CACFD1: variants seen among roughly 807,000 people sequenced by gnomAD.
CACFD1 encodes calcium channel flower homolog.
A neutral mutation model predicts 21.3 loss-of-function variants in CACFD1; 26 were observed. The ratio of observed to expected loss-of-function variants is 1.22; its 90% CI spans 0.89 to 1.69. CACFD1 has a LOEUF of 1.69. CACFD1 is among the 40% of genes most tolerant of loss of function. The pLI is 0.00. For synonymous variants in CACFD1, 121 were observed against 106.6 expected (o/e 1.13, Z -0.83); for missense variants, 265 against 236.2 (o/e 1.12, Z -0.80).
At chr9:133,460,862 G>A (rs949051510) in intron 1 of CACFD1, among the ~76,000 whole-genome samples, 4 of 152,120 alleles carry the variant, frequency 2.6e-5, no homozygotes, top group African/African-American at 7.2e-5. Flanking sequence ...GCCTGTCACC[G>A]GCCTTCCTCC....
intron 3 of CACFD1, among the ~76,000 whole-genome samples, chr9:133,466,688 C>T (rs981112568): frequency 3.3e-5 from 5 of 152,148 alleles, no homozygotes; most frequent in South Asian, 2.1e-4. Flanking sequence ...TTTTAAGATG[C>T]GTGGCTACGT....
intron 2 of CACFD1, 114 bp downstream of exon 2, chr9:133,463,669 C>A: frequency 9.1e-7 from 1 of 1,097,736 alleles, no homozygotes; most frequent in Non-Finnish European, 1.4e-6. Context: ...CTTGTGGTTG[C>A]CATGGCTACT....
At position 133,465,570 on chromosome 9, in the gene CACFD1, G is replaced by A. The variant is rs1048016444; in HGVS notation, c.320+123G>A. Reference sequence around the variant, plus strand: ...GTTCCTCTCTGTGGAAGTGTAAACTGGGATTGCCTTTGTGCACAGTGATTT... The same window carrying A: ...GTTCCTCTCTGTGGAAGTGTAAACTAGGATTGCCTTTGTGCACAGTGATTT... On this transcript the variant is annotated intron_variant, in intron 3 of 4. Transcript: ENST00000316948. The surrounding 1 kb of genome is among the most constrained non-coding windows in gnomAD (Gnocchi z 5.0). 1 of 1,041,472 alleles carries A rather than the reference G, an allele frequency of 9.6e-7. No homozygotes were observed. Among genetic ancestry groups the A allele is most frequent in the Non-Finnish European group, 1.4e-6 (1 of 715,582 alleles). The allele number at this position is 1,041,472 out of a possible 1,614,324, so 64.5% of individuals were successfully genotyped here.
At chr9:133,463,137 CTCTTTAATCCT>C (rs1287600291) in intron 1 of CACFD1, among the ~76,000 whole-genome samples, 4 of 152,226 alleles carry the variant, frequency 2.6e-5, no homozygotes, top group Admixed American at 1.3e-4. Context: ...GGGACATTCA[CTCTTTAATCCT>C]TCTTTAATCC....
Position 133,469,220 on chromosome 9 carries a change from G to C in CACFD1, c.*567G>C, listed in dbSNP as rs1843574048. Reference sequence around the variant, plus strand: ...GGTACCTGGAACTGCAGCCTTGGCAGTGACTGGACAGCTGGGTGGGGGATG... The same window carrying C: ...GGTACCTGGAACTGCAGCCTTGGCACTGACTGGACAGCTGGGTGGGGGATG... On this transcript the variant is annotated 3_prime_UTR_variant, in exon 5 of 5. Coordinates refer to ENST00000316948, the MANE Select transcript of CACFD1 (RefSeq NM_017586.5). The C allele has an allele frequency of 6.5e-6, 1 of 153,232 alleles. No individual in the cohort carries two copies. The highest frequency in any genetic ancestry group is 2.4e-5 in the African/African-American group (1 of 41,466). 9.5% of individuals were successfully genotyped at this position (153,232 alleles called of 1,614,324 possible). A position where few individuals can be genotyped will look rare whatever the true frequency, so the allele number is the denominator to read the frequency against.
At position 133,468,946 on chromosome 9, in the gene CACFD1, CCTGTGACCTG is replaced by C. The variant is rs1268562478; in HGVS notation, c.*304_*313del. 4.5e-5 allele frequency: 20 copies of C among 442,282 alleles called. No homozygotes were observed. Among genetic ancestry groups the C allele is most frequent in the African/African-American group, 6.0e-5 (3 of 49,768 alleles). 27.4% of individuals were successfully genotyped at this position (442,282 alleles called of 1,614,324 possible). A position where few individuals can be genotyped will look rare whatever the true frequency, so the allele number is the denominator to read the frequency against. ...AGATCTCACACCACAGACAGGGCTG[CCTGTGACCTG>C]CTGTGACCTGGGAGCAGCTTCCCCT... is the stretch of plus-strand genomic sequence containing the variant. On this transcript the variant is annotated 3_prime_UTR_variant, in exon 5 of 5. Transcript: ENST00000316948.
In CACFD1 at chr9:133,467,993, G is replaced by C; in HGVS notation, c.393G>C (p.Thr131=). Residue 131 remains threonine (T), a synonymous_variant, in exon 4 of 5, where the codon ACG becomes ACC. Transcript: ENST00000316948. ...TGGGCAACGCCATCGCCTTTGCTACGGGGGTGCTGTACGGACTCTCTGCTC... is the reference window on the plus strand; with the variant it reads ...TGGGCAACGCCATCGCCTTTGCTACCGGGGTGCTGTACGGACTCTCTGCTC... ...TLLGNAIAFA[T]GVLYGLSALG... is the part of the protein sequence containing the mutation. 1 of 1,613,902 alleles carries C rather than the reference G, an allele frequency of 6.2e-7. No individual in the cohort carries two copies. The highest frequency in any genetic ancestry group is 8.5e-7 in the Non-Finnish European group (1 of 1,179,990).
chr9:133,467,777 C>A, intron 3 of CACFD1, 144 bp from the exon 4 acceptor site: 1 of 624,534 alleles, frequency 1.6e-6, no homozygotes, highest in Non-Finnish European at 2.9e-6. Flanking sequence ...GAAGGACTTT[C>A]TGAAGCTGTG....
rs587624662 is a variant in CACFD1, at chr9:133,463,689, C to CT, written c.194+135dup. 2.6e-3 allele frequency: 2,264 copies of CT among 863,000 alleles called. 34 individuals carry two copies. The highest frequency in any genetic ancestry group is 9.6e-3 in the East Asian group (384 of 40,078). 53.5% of individuals were successfully genotyped at this position (863,000 alleles called of 1,614,324 possible). ...GGTTGCCATGGCTACTGGCTCCAGC[C>CT]TGGGTGCCTCGGGCATGTGAGTTTC... On this transcript the variant is annotated intron_variant, in intron 2 of 4. Transcript: ENST00000316948.
rs1843384081 is a variant in CACFD1, at chr9:133,465,191, C to T, written c.195-131C>T. On this transcript the variant is annotated intron_variant, in intron 2 of 4. Coordinates refer to ENST00000316948, the MANE Select transcript of CACFD1 (RefSeq NM_017586.5). The surrounding 1 kb of genome is among the most constrained non-coding windows in gnomAD (Gnocchi z 5.0). ...CAGGTGCCCTGGAGCAGCCGGGCGG[C>T]TTCCCAGAGGAGGAGGGATGAGGGC... 9.0e-7 allele frequency: 1 copy of T among 1,106,178 alleles called. No individual in the cohort carries two copies. The highest frequency in any genetic ancestry group is 1.5e-5 in the African/African-American group (1 of 65,392). 68.5% of individuals were successfully genotyped at this position (1,106,178 alleles called of 1,614,324 possible).
chr9:133,460,272 C>CT, intron 1 of CACFD1, 85 bp downstream of exon 1: 1 of 1,282,022 alleles, frequency 7.8e-7, no homozygotes, highest in Non-Finnish European at 1.0e-6. Context: ...CCGGCGGCCC[C>CT]AGGGGAAAGG....
intron 1 of CACFD1, chr9:133,461,902 TTCC>T (rs1843232764): frequency 1.0e-6 from 1 of 985,280 alleles, no homozygotes; most frequent in African/African-American, 1.7e-5. Context: ...GGGTAAGGTT[TTCC>T]TCCTCCAGGG....
rs3094380 is a variant in CACFD1, at chr9:133,469,476, T to C, written c.*823T>C. The C allele has an allele frequency of 0.092, 14,057 of 152,352 alleles. 697 individuals carry two copies. Among genetic ancestry groups the C allele is most frequent in the Middle Eastern group, 0.16 (46 of 294 alleles). The allele number at this position is 152,352 out of a possible 1,614,324, so 9.4% of individuals were successfully genotyped here. A position where few individuals can be genotyped will look rare whatever the true frequency, so the allele number is the denominator to read the frequency against. On this transcript the variant is annotated 3_prime_UTR_variant, in exon 5 of 5. Transcript: ENST00000316948. ...CAGCCCAGCCCCATTAGTGGGTTAGTGGGTCTGACCTCAGCCCCACTCAGG... is the reference window on the plus strand; with the variant it reads ...CAGCCCAGCCCCATTAGTGGGTTAGCGGGTCTGACCTCAGCCCCACTCAGG...
intron 1 of CACFD1, chr9:133,462,135 G>A: frequency 7.7e-7 from 1 of 1,303,996 alleles, no homozygotes; most frequent in Non-Finnish European, 1.0e-6. Context: ...CTCCCCCAAG[G>A]CTGGCTGTGG....
At chr9:133,461,710 C>A in intron 1 of CACFD1, 1 of 217,820 alleles carries the variant, frequency 4.6e-6, no homozygotes, top group Non-Finnish European at 7.8e-6. Flanking sequence ...GTTGGGTCTA[C>A]AGATGAAGCT....
rs112690478 is a variant in CACFD1 at position 133,462,588 on chromosome 9, A to G, written c.122-895A>G. Among the ~76,000 whole-genome samples, 1,316 of 152,316 alleles carry G rather than the reference A, an allele frequency of 8.6e-3. 24 individuals are homozygous for G. Among genetic ancestry groups the G allele is most frequent in the African/African-American group, 0.03 (1,260 of 41,556 alleles). On this transcript the variant is annotated intron_variant, in intron 1 of 4. Transcript: ENST00000316948. Reference sequence around the variant, plus strand: ...AATTGCTGCCTCCAAGGCCCCCCTCAGTGATGGCCTGGGCTTGCTCCCTGC... The same window carrying G: ...AATTGCTGCCTCCAAGGCCCCCCTCGGTGATGGCCTGGGCTTGCTCCCTGC...
chr9:133,466,712 G>A (rs1433333553), intron 3 of CACFD1, among the ~76,000 whole-genome samples: 2 of 152,178 alleles, frequency 1.3e-5, no homozygotes, highest in African/African-American at 4.8e-5. Context: ...TTTCCAAAGA[G>A]GTCCCTTGAG....
Position 133,460,082 on chromosome 9 carries a change from G to A in CACFD1, c.16G>A (p.Gly6Arg), listed in dbSNP as rs782366044. 1.9e-6 allele frequency: 3 copies of A among 1,562,242 alleles called. No individual in the cohort carries two copies. Among genetic ancestry groups the A allele is most frequent in the Admixed American group, 3.7e-5 (2 of 54,620 alleles). MSSSG[G>R]APGASASSAP... ...CGGTGGCACCATGAGCAGCTCAGGT[G>A]GGGCGCCCGGGGCGTCCGCCAGCTC... is the stretch of plus-strand genomic sequence containing the variant. Residue 6 changes from glycine to arginine, a missense_variant, in exon 1 of 5, where the codon GGG (glycine) becomes AGG (arginine). Coordinates refer to ENST00000316948, the MANE Select transcript of CACFD1 (RefSeq NM_017586.5).
At chr9:133,464,668 G>A (rs1401850354) in intron 2 of CACFD1, among the ~76,000 whole-genome samples, 1 of 152,204 alleles carries the variant, frequency 6.6e-6, no homozygotes, top group East Asian at 1.9e-4. Flanking sequence ...CAAGACCACA[G>A]CAGACACCTT....
Sources: allele counts gnomAD v4.1 joint callset (sites outside exome capture counted in the v4.1 genomes callset), GRCh38; gene constraint gnomAD v4.1.1; non-coding constraint Gnocchi (gnomAD v3.1); transcripts MANE v1.5; gene names NCBI Gene and HGNC (gene_info 2026-07-23, HGNC 2026-07-21).